ITGA9: variants seen among roughly 807,000 people sequenced by gnomAD.
ITGA9 encodes integrin subunit alpha 9, also known as integrin alpha-9.
A neutral mutation model predicts 127.8 loss-of-function variants in ITGA9; 56 were observed. The ratio of observed to expected loss-of-function variants is 0.44; its 90% CI spans 0.35 to 0.55. The LOEUF (loss-of-function observed/expected upper bound fraction) is 0.55. Ranked by LOEUF, ITGA9 falls within the 20% of genes least tolerant of loss-of-function variation. ITGA9 has a pLI of 0.00. For missense variants in ITGA9, 1,196 were observed against 1,347.1 expected (o/e 0.89, Z 1.76); for synonymous variants, 508 against 514.5 (o/e 0.99, Z 0.17).
intron 17 of ITGA9, among the ~76,000 whole-genome samples, chr3:37,665,579 G>A (rs1700578827): frequency 6.6e-6 from 1 of 151,836 alleles, no homozygotes; most frequent in South Asian, 2.1e-4. Flanking sequence ...TCAGCCTCCT[G>A]AGTAGCTGGG....
At chr3:37,638,508 G>A (rs575329206) in intron 16 of ITGA9, among the ~76,000 whole-genome samples, 27 of 151,852 alleles carry the variant, frequency 1.8e-4, no homozygotes, top group Admixed American at 6.6e-4. Context: ...TGAGGAGGAG[G>A]AAAGATTCTG....
chr3:37,542,342 G>T, intron 14 of ITGA9, 83 bp from the exon 15 acceptor site: 2 of 1,428,994 alleles, frequency 1.4e-6, no homozygotes, highest in South Asian at 2.3e-5. Flanking sequence ...AGATGTGCAT[G>T]TGATCCTGTG....
chr3:37,732,614 T>C, intron 18 of ITGA9, 98 bp from the exon 19 acceptor site: 1 of 873,846 alleles, frequency 1.1e-6, no homozygotes, highest in Non-Finnish European at 1.9e-6. Context: ...GCCTACCGTC[T>C]GAGCACTGCT....
rs943848201 is a variant in ITGA9 at position 37,559,762 on chromosome 3, G to A, written c.1689+17177G>A. On this transcript the variant is annotated intron_variant, in intron 15 of 27. Transcript: ENST00000264741. ...CGGAGCCATTACCTTGTGTTGAAAG[G>A]CAGCTCCCTGGCTCCCTGGGAGGCC... Among the ~76,000 whole-genome samples the A allele has an allele frequency of 5.8e-4, 88 of 152,250 alleles. 1 individual carries two copies. The highest frequency in any genetic ancestry group is 2.0e-3 in the African/African-American group (83 of 41,558).
rs571327166 is a variant in ITGA9 at position 37,806,718 on chromosome 3, C to T, written c.3009+2776C>T. 21 of 152,272 alleles carry T rather than the reference C, an allele frequency of 1.4e-4. No homozygotes were observed. The East Asian group carries it at 1.9e-3, about 14-fold the overall frequency. The allele number at this position is 152,272 out of a possible 1,614,324, so 9.4% of individuals were successfully genotyped here. Reference sequence around the variant, plus strand: ...CTGGGAGGGAGAGGGCAGTCACGGCCGCCAGGGACACACCGTGTGCCCAGA... The same window carrying T: ...CTGGGAGGGAGAGGGCAGTCACGGCTGCCAGGGACACACCGTGTGCCCAGA... On this transcript the variant is annotated intron_variant, in intron 27 of 27. Transcript: ENST00000264741. The surrounding 1 kb of genome is among the most constrained non-coding windows in gnomAD (Gnocchi z 4.3).
intron 15 of ITGA9, among the ~76,000 whole-genome samples, chr3:37,586,033 T>C (rs1699756549): frequency 6.7e-6 from 1 of 150,152 alleles, no homozygotes; most frequent in African/African-American, 2.4e-5. Context: ...AGAGTGATGA[T>C]GGTGATGGTG....
chr3:37,562,384 A>C (rs1699502126), intron 15 of ITGA9, among the ~76,000 whole-genome samples: 1 of 152,132 alleles, frequency 6.6e-6, no homozygotes, highest in African/African-American at 2.4e-5. Context: ...AACTTATTCC[A>C]CTATTGAATT....
At chr3:37,570,351 G>T (rs1169417323) in intron 15 of ITGA9, among the ~76,000 whole-genome samples, 1 of 152,244 alleles carries the variant, frequency 6.6e-6, no homozygotes, top group African/African-American at 2.4e-5. Flanking sequence ...AGGAGTAGGG[G>T]AATAATGCCG....
intron 15 of ITGA9, among the ~76,000 whole-genome samples, chr3:37,617,906 A>G (rs1464522576): frequency 1.1e-4 from 17 of 152,130 alleles, no homozygotes; most frequent in Admixed American, 7.2e-4. Context: ...CATGGGTTCA[A>G]ACTTCCTCCT....
intron 27 of ITGA9, among the ~76,000 whole-genome samples, chr3:37,810,915 C>T (rs975098288): frequency 2.0e-5 from 3 of 152,228 alleles, no homozygotes; most frequent in African/African-American, 7.2e-5. Context: ...CTCCAGGCTC[C>T]CTGCTGATGT....
chr3:37,758,794 T>TA (rs895904101), intron 23 of ITGA9, among the ~76,000 whole-genome samples: 4 of 152,010 alleles, frequency 2.6e-5, no homozygotes, highest in African/African-American at 4.8e-5. Context: ...ATTGTCTCCC[T>TA]AAAAAAATCC....
chr3:37,689,187 T>G (rs932996071), intron 18 of ITGA9, among the ~76,000 whole-genome samples: 5 of 152,248 alleles, frequency 3.3e-5, no homozygotes, highest in Admixed American at 3.3e-4. Flanking sequence ...ATGTATTAGC[T>G]TCTAAGACTG....
At chr3:37,680,762 C>T (rs979149237) in intron 17 of ITGA9, among the ~76,000 whole-genome samples, 2 of 152,232 alleles carry the variant, frequency 1.3e-5, no homozygotes, top group African/African-American at 2.4e-5. Flanking sequence ...TCTCTCATAA[C>T]TCAAGCCTGA....
intron 24 of ITGA9, among the ~76,000 whole-genome samples, chr3:37,779,294 A>G (rs953900222): frequency 1.3e-5 from 2 of 152,070 alleles, no homozygotes; most frequent in African/African-American, 4.8e-5. Context: ...TTGTAGAGAC[A>G]GGGTTTCACC....
chr3:37,678,455 A>T (rs1349796047), intron 17 of ITGA9, among the ~76,000 whole-genome samples: 3 of 152,232 alleles, frequency 2.0e-5, no homozygotes, highest in Admixed American at 2.0e-4. Context: ...GGATGGACGG[A>T]TGGACAGACT....
intron 18 of ITGA9, among the ~76,000 whole-genome samples, chr3:37,716,957 T>C (rs1701142157): frequency 6.6e-6 from 1 of 152,198 alleles, no homozygotes; most frequent in Non-Finnish European, 1.5e-5. Flanking sequence ...TTGCCCTTGT[T>C]CTAATTGCGT....
intron 18 of ITGA9, among the ~76,000 whole-genome samples, chr3:37,701,064 G>A (rs905994228): frequency 2.0e-5 from 3 of 152,172 alleles, no homozygotes. Flanking sequence ...GCCTTCAGGG[G>A]TGACAGACAG....
chr3:37,612,521 T>C (rs114314382), intron 15 of ITGA9, among the ~76,000 whole-genome samples: 1,862 of 152,320 alleles, frequency 0.012, 46 homozygotes, highest in African/African-American at 0.042. Flanking sequence ...TCTAATACTT[T>C]TGTGGTTTGA....
intron 18 of ITGA9, among the ~76,000 whole-genome samples, chr3:37,729,258 A>G (rs2125526853): frequency 6.6e-6 from 1 of 152,310 alleles, no homozygotes; most frequent in East Asian, 1.9e-4. Flanking sequence ...TGACATGGCC[A>G]GTATAAACAG....
Sources: gnomAD v4.1 joint callset for allele counts (sites outside exome capture counted in the v4.1 genomes callset) on GRCh38, gnomAD v4.1.1 for gene constraint, Gnocchi (gnomAD v3.1) non-coding constraint, MANE v1.5 for transcripts, NCBI Gene and HGNC (gene_info 2026-07-23, HGNC 2026-07-21) for gene names.